TNKS: variants seen among roughly 807,000 people sequenced by gnomAD.
TNKS encodes poly [ADP-ribose] polymerase tankyrase-1.
A neutral mutation model predicts 135.8 loss-of-function variants in TNKS; 72 were observed. That is an observed-to-expected ratio of 0.53 (90% CI 0.44 to 0.64). TNKS has a LOEUF of 0.64. Among genes scored for constraint, TNKS ranks in the 30% least tolerant of loss-of-function variants. The pLI, the probability that TNKS is intolerant of heterozygous loss-of-function variation, is 0.00. For synonymous variants in TNKS, 849 were observed against 649.3 expected (o/e 1.31, Z -4.68); for missense variants, 1,769 against 1,674.0 (o/e 1.06, Z -0.99).
chr8:9,780,293 C>G lies in TNKS; in HGVS notation c.*3557C>G, dbSNP rs1808403217. The G allele has an allele frequency of 6.6e-6, 1 of 151,424 alleles. No individual in the cohort carries two copies. Among genetic ancestry groups the G allele is most frequent in the Admixed American group, 6.6e-5 (1 of 15,122 alleles). 9.4% of individuals were successfully genotyped at this position (151,424 alleles called of 1,614,324 possible). On this transcript the variant is annotated 3_prime_UTR_variant, in exon 27 of 27. Coordinates refer to ENST00000310430, the MANE Select transcript of TNKS (RefSeq NM_003747.3). The stretch of plus-strand genomic sequence containing the variant: ...TTCAAGCACCTTTCCCCCATTGTAT[C>G]CGAATCCCTCTTGTGTGATATCTGT...
At chr8:9,598,193 C>G (rs1339816639) in intron 2 of TNKS, among the ~76,000 whole-genome samples, 1 of 152,056 alleles carries the variant, frequency 6.6e-6, no homozygotes, top group African/African-American at 2.4e-5. Flanking sequence ...CTACAGGTGC[C>G]TGCCACCATG....
intron 3 of TNKS, among the ~76,000 whole-genome samples, chr8:9,642,500 A>G (rs1800765012): frequency 6.8e-6 from 1 of 146,400 alleles, no homozygotes. Flanking sequence ...GAAATGGTAC[A>G]AGATAAAGCA....
chr8:9,623,954 A>G (rs1799960524), intron 3 of TNKS, among the ~76,000 whole-genome samples: 1 of 152,168 alleles, frequency 6.6e-6, no homozygotes, highest in Non-Finnish European at 1.5e-5. Context: ...GTGAACCGAG[A>G]TCATGCCACT....
At chr8:9,609,734 A>T (rs1381935613) in intron 2 of TNKS, among the ~76,000 whole-genome samples, 1 of 152,176 alleles carries the variant, frequency 6.6e-6, no homozygotes, top group Non-Finnish European at 1.5e-5. Flanking sequence ...TTACAGCCTA[A>T]GGGTAGATTT....
chr8:9,556,123 G>C lies in TNKS; in HGVS notation c.184G>C (p.Gly62Arg). 1 of 1,600,572 alleles carries C rather than the reference G, an allele frequency of 6.2e-7. No homozygotes were observed. Among genetic ancestry groups the C allele is most frequent in the Non-Finnish European group, 8.5e-7 (1 of 1,173,276 alleles). The part of the protein sequence containing the change: ...GLAPFASPRH[G>R]LALPEGDGSR... ...GGCCCCCTTCGCCTCCCCGCGGCAC[G>C]GCCTAGCGCTGCCGGAGGGGGATGG... The change falls in exon 1 of 27, where the codon GGC (glycine) becomes CGC (arginine). Residue 62 changes from glycine to arginine, a missense_variant. By Grantham distance (125) the Gly-to-Arg change is moderately radical. Around this residue, in one of 5 missense-constraint regions of TNKS, gnomAD observed 450 missense variants for 304.9 expected, o/e 1.48. Coordinates refer to ENST00000310430, the MANE Select transcript of TNKS (RefSeq NM_003747.3).
intron 2 of TNKS, among the ~76,000 whole-genome samples, chr8:9,591,209 G>A (rs912287527): frequency 6.6e-6 from 1 of 152,180 alleles, no homozygotes; most frequent in Non-Finnish European, 1.5e-5. Context: ...TTTCGTGTAT[G>A]ATTCTAGTTA....
chr8:9,751,747 A>C lies in TNKS; in HGVS notation c.2971A>C (p.Ser991Arg). Reference protein sequence around the residue: ...STPSCLSAASSIDNLTGPLAE... With the variant: ...STPSCLSAASRIDNLTGPLAE... ...CCCCTCCTGCCTCTCGGCTGCCAGCAGCATAGACAACCTCACTGGCCCTTT... is the reference window on the plus strand; with the variant it reads ...CCCCTCCTGCCTCTCGGCTGCCAGCCGCATAGACAACCTCACTGGCCCTTT... Residue 991 changes from serine (S) to arginine (R), a missense_variant, in exon 19 of 27, where the codon AGC (serine) becomes CGC (arginine). Transcript: ENST00000310430. 5.6e-6 allele frequency: 9 copies of C among 1,614,202 alleles called. No homozygotes were observed. The highest frequency in any genetic ancestry group is 7.6e-6 in the Non-Finnish European group (9 of 1,180,042).
rs1467671559 is a variant in TNKS at position 9,764,745 on chromosome 8, T to A, written c.3402T>A (p.Asp1134Glu). The change falls in exon 23 of 27, where the codon GAT (aspartate) becomes GAA (glutamate). Residue 1134 changes from aspartate to glutamate, a missense_variant. Coordinates refer to ENST00000310430, the MANE Select transcript of TNKS (RefSeq NM_003747.3). Reference sequence around the variant, plus strand: ...AAAGTACTATTCGAGAACACAGAGATGGTGGTAATGCTGGCGGCATCTTCA... The same window carrying A: ...AAAGTACTATTCGAGAACACAGAGAAGGTGGTAATGCTGGCGGCATCTTCA... ...EMQSTIREHR[D>E]GGNAGGIFNR... 2 of 1,600,062 alleles carry A rather than the reference T, an allele frequency of 1.2e-6. No individual in the cohort carries two copies. The highest frequency in any genetic ancestry group is 1.3e-5 in the African/African-American group (1 of 74,148).
chr8:9,639,913 C>G (rs1800659686), intron 3 of TNKS, among the ~76,000 whole-genome samples: 2 of 152,150 alleles, frequency 1.3e-5, no homozygotes, highest in Admixed American at 6.5e-5. Context: ...TTCCAAAAGA[C>G]TAATCGGGAC....
chr8:9,567,935 A>G (rs568340289), intron 1 of TNKS, among the ~76,000 whole-genome samples: 13 of 152,248 alleles, frequency 8.5e-5, no homozygotes, highest in Middle Eastern at 6.8e-3. Context: ...ATTTTACCAC[A>G]TTTAAGTGAA....
At position 9,769,769 on chromosome 8, in the gene TNKS, G is replaced by A. The variant is rs1309996116; in HGVS notation, c.3741-337G>A. On this transcript the variant is annotated intron_variant, in intron 25 of 26. Transcript: ENST00000310430. ...CAAGTAGCTGAGACTACAGGCGCCC[G>A]CCACCACACCCGGCTAACTTTTTGT... 7.2e-5 allele frequency among the ~76,000 whole-genome samples: 11 copies of A among 151,878 alleles called. No individual in the cohort carries two copies. In the Middle Eastern group the frequency reaches 0.01, roughly 141 times the overall value.
In TNKS at chr8:9,556,568, A is replaced by G; in HGVS notation, c.629A>G (p.Lys210Arg). ...GTGGACGCGGCAAACGTAAATGCAA[A>G]GGACATGGCCGGCCGGAAGTCTTCT... is the stretch of plus-strand genomic sequence containing the variant. ...RLVDAANVNA[K>R]DMAGRKSSPL... Residue 210 changes from lysine (K) to arginine (R), a missense_variant, in exon 1 of 27, where the codon AAG becomes AGG. By Grantham distance (26) the Lys-to-Arg change is conservative. Coordinates refer to ENST00000310430, the MANE Select transcript of TNKS (RefSeq NM_003747.3). The G allele has an allele frequency of 1.2e-6, 2 of 1,614,006 alleles. No homozygotes were observed. Among genetic ancestry groups the G allele is most frequent in the Non-Finnish European group, 1.7e-6 (2 of 1,180,022 alleles).
At chr8:9,743,090 C>T (rs1226484860) in intron 17 of TNKS, among the ~76,000 whole-genome samples, 1 of 152,034 alleles carries the variant, frequency 6.6e-6, no homozygotes, top group African/African-American at 2.4e-5. Context: ...TGTATTCGTC[C>T]CATGAATTTG....
At chr8:9,748,870 C>T (rs1450121546) in intron 18 of TNKS, among the ~76,000 whole-genome samples, 6 of 152,200 alleles carry the variant, frequency 3.9e-5, no homozygotes, top group Non-Finnish European at 8.8e-5. Flanking sequence ...ACTTGTGCAA[C>T]TGCATATAGC....
chr8:9,571,464 T>C (rs940449398), intron 1 of TNKS, among the ~76,000 whole-genome samples: 1 of 152,122 alleles, frequency 6.6e-6, no homozygotes. Context: ...TTCCACGTTT[T>C]TTTCTTTTTT....
intron 1 of TNKS, among the ~76,000 whole-genome samples, chr8:9,560,453 C>G (rs1166634398): frequency 7.0e-6 from 1 of 142,412 alleles, no homozygotes; most frequent in East Asian, 2.0e-4. Flanking sequence ...TCAACTCATT[C>G]CTGACTCTTC....
At chr8:9,766,177 G>A in intron 24 of TNKS, 62 bp from the exon 25 acceptor site, 4 of 1,385,776 alleles carry the variant, frequency 2.9e-6, no homozygotes, top group Non-Finnish European at 4.0e-6. Context: ...CAAATAGTGT[G>A]CAGGTAATTG....
chr8:9,664,189 C>T (rs1801875314), intron 3 of TNKS, among the ~76,000 whole-genome samples: 1 of 152,092 alleles, frequency 6.6e-6, no homozygotes, highest in Non-Finnish European at 1.5e-5. Flanking sequence ...AAGCATGGTG[C>T]CAGCATCTAT....
chr8:9,666,932 A>G (rs192518383), intron 3 of TNKS, among the ~76,000 whole-genome samples: 122 of 152,286 alleles, frequency 8.0e-4, no homozygotes, highest in African/African-American at 2.8e-3. Flanking sequence ...AATATATTTC[A>G]TAAAGAAATT....
Sources: gnomAD v4.1 joint callset for allele counts (sites outside exome capture counted in the v4.1 genomes callset) on GRCh38, gnomAD v4.1.1 for gene constraint, gnomAD v4.1.1 regional missense constraint, MANE v1.5 for transcripts, NCBI Gene and HGNC (gene_info 2026-07-23, HGNC 2026-07-21) for gene names.